OGFOD3: variants seen among roughly 807,000 people sequenced by gnomAD.
OGFOD3 encodes the protein 2-oxoglutarate and iron dependent oxygenase domain containing 3.
In OGFOD3, 35 loss-of-function variants were observed where a neutral mutation model predicts 39.8. That is an observed-to-expected ratio of 0.88 (90% CI 0.67 to 1.17). OGFOD3 has a LOEUF of 1.17. OGFOD3 is among the 50% of genes most tolerant of loss of function. OGFOD3 has a pLI of 0.00. For missense variants in OGFOD3, 438 were observed against 454.5 expected (o/e 0.96, Z 0.33); for synonymous variants, 200 against 192.0 (o/e 1.04, Z -0.34).
chr17:82,418,238 T>G (rs2053108079), intron 1 of OGFOD3, 174 bp downstream of exon 1: 1 of 380,328 alleles, frequency 2.6e-6, no homozygotes, highest in Non-Finnish European at 4.5e-6. Context: ...GCACCTGCCC[T>G]GCTCCCAGCA....
At chr17:82,413,443 G>A (rs2052985429) in intron 2 of OGFOD3, among the ~76,000 whole-genome samples, 1 of 152,196 alleles carries the variant, frequency 6.6e-6, no homozygotes, top group South Asian at 2.1e-4. Context: ...GACAGAAACT[G>A]GTGATGAGAA....
chr17:82,412,317 G>T (rs2052961061), intron 2 of OGFOD3, among the ~76,000 whole-genome samples: 1 of 148,022 alleles, frequency 6.8e-6, no homozygotes, highest in African/African-American at 2.5e-5. Context: ...GGAGCAACAC[G>T]GTCGGGGCAG....
chr17:82,416,379 G>A (rs2143304104), intron 1 of OGFOD3, among the ~76,000 whole-genome samples: 1 of 152,362 alleles, frequency 6.6e-6, no homozygotes, highest in Admixed American at 6.5e-5. Flanking sequence ...AGGACAGGCT[G>A]GTAGTGATGG....
intron 1 of OGFOD3, chr17:82,417,362 T>C (rs143844032): frequency 0.029 from 4,479 of 152,334 alleles, 96 homozygotes; most frequent in Admixed American, 0.059. Flanking sequence ...CTCACGCCTG[T>C]AATCCCAGCA....
At chr17:82,409,435 T>C in intron 3 of OGFOD3, 25 bp from the exon 4 acceptor site, 2 of 1,612,468 alleles carry the variant, frequency 1.2e-6, no homozygotes, top group South Asian at 2.2e-5. Flanking sequence ...TAATTCAGAA[T>C]TTCGTTGCTA....
chr17:82,409,455 A>G (rs112823833), intron 3 of OGFOD3, 45 bp from the exon 4 acceptor site: 28 of 1,581,494 alleles, frequency 1.8e-5, no homozygotes, highest in Middle Eastern at 3.3e-4. Flanking sequence ...AGAATTGTCT[A>G]TAATGTATAA....
In OGFOD3 at chr17:82,413,890, A is replaced by AAAAG. The variant is rs1440152998; in HGVS notation, c.304+1507_304+1508insCTTT. On this transcript the variant is annotated intron_variant, in intron 2 of 8. Coordinates refer to ENST00000313056, the MANE Select transcript of OGFOD3 (RefSeq NM_024648.3). ...GTGACACTCTGTCCAAAAAAAAAAAAAAGAAGAAAGAAAGAAAAAGAAAAT... is the reference window on the plus strand; with the variant it reads ...GTGACACTCTGTCCAAAAAAAAAAAAAAAGAAGAAGAAAGAAAGAAAAAGAAAAT... Among the ~76,000 whole-genome samples the AAAAG allele has an allele frequency of 2.8e-3, 430 of 151,622 alleles. 9 individuals carry two copies. Among genetic ancestry groups the AAAAG allele is most frequent in the Non-Finnish European group, 3.5e-3 (237 of 67,958 alleles).
chr17:82,398,696 G>A (rs938448706), intron 7 of OGFOD3, among the ~76,000 whole-genome samples: 2 of 151,172 alleles, frequency 1.3e-5, no homozygotes, highest in African/African-American at 4.9e-5. Flanking sequence ...ACTGAACCCA[G>A]CCTCTTTTTT....
chr17:82,398,517 A>G (rs2052714823), intron 7 of OGFOD3, among the ~76,000 whole-genome samples, 198 bp from the exon 8 acceptor site: 2 of 152,138 alleles, frequency 1.3e-5, no homozygotes, highest in African/African-American at 4.8e-5. Context: ...CTCCTGCCTC[A>G]GCCTCCCGAG....
intron 4 of OGFOD3, among the ~76,000 whole-genome samples, chr17:82,408,351 A>C (rs1480604535): frequency 6.6e-6 from 1 of 152,216 alleles, no homozygotes; most frequent in African/African-American, 2.4e-5. Flanking sequence ...AGAGAAACAG[A>C]TCTTCAGACA....
rs1353311308 is a variant in OGFOD3, at chr17:82,398,263, C to T, written c.756G>A (p.Glu252=). ...ACATGAACCGCCCTCCGCCGAAGTC[C>T]TCCAGGTAGTTGGAGAGGTACAGCA... ...TSLLYLSNYL[E]DFGGGRFMFM... is the part of the protein sequence containing the mutation. The change falls in exon 8 of 9, where the codon GAG becomes GAA. Residue 252 remains glutamate (E), a synonymous_variant. Transcript: ENST00000313056. The T allele has an allele frequency of 1.2e-6, 2 of 1,614,204 alleles. No individual in the cohort carries two copies. Among genetic ancestry groups the T allele is most frequent in the Non-Finnish European group, 8.5e-7 (1 of 1,180,038 alleles).
Position 82,411,470 on chromosome 17 carries a change from G to A in OGFOD3, c.365C>T (p.Ala122Val), listed in dbSNP as rs1396630666. ...AGGCGGTTACCTGCGAATCCGCTCCGCTTCCTCCCTGGTGATGACGACATC... is the reference window on the plus strand; with the variant it reads ...AGGCGGTTACCTGCGAATCCGCTCCACTTCCTCCCTGGTGATGACGACATC... ...VTDVVITREE[A>V]ERIRSVAEKG... Residue 122 changes from alanine (A) to valine (V), a missense_variant, in exon 3 of 9, where the codon GCG (alanine) becomes GTG (valine). Transcript: ENST00000313056. The A allele has an allele frequency of 7.4e-6, 12 of 1,613,938 alleles. No homozygotes were observed. The highest frequency in any genetic ancestry group is 1.6e-4 in the Middle Eastern group (1 of 6,078).
chr17:82,394,426 G>T, intron 8 of OGFOD3: 1 of 1,613,324 alleles, frequency 6.2e-7, no homozygotes, highest in African/African-American at 1.3e-5. Flanking sequence ...TCCCCTCTCG[G>T]GCGGGTGGTG....
rs965758313 is a variant in OGFOD3, at chr17:82,391,359, T to G, written c.*1039A>C. Reference sequence around the variant, plus strand: ...TGACCACCACTTTATTTTTATATTTTTAAGATGGAGTCTCACTCTGTCACC... The same window carrying G: ...TGACCACCACTTTATTTTTATATTTGTAAGATGGAGTCTCACTCTGTCACC... On this transcript the variant is annotated 3_prime_UTR_variant, in exon 9 of 9. Transcript: ENST00000313056. This position sits in a 1 kb window ranked among gnomAD's most constrained non-coding sequence, Gnocchi z 5.1. 1 of 152,352 alleles carries G rather than the reference T, an allele frequency of 6.6e-6. No individual in the cohort carries two copies. Among genetic ancestry groups the G allele is most frequent in the African/African-American group, 2.4e-5 (1 of 41,436 alleles). 9.4% of individuals were successfully genotyped at this position (152,352 alleles called of 1,614,324 possible). A position where few individuals can be genotyped will look rare whatever the true frequency, so the allele number is the denominator to read the frequency against.
At chr17:82,412,413 TG>T in intron 2 of OGFOD3, among the ~76,000 whole-genome samples, 1 of 30,232 alleles carries the variant, frequency 3.3e-5, no homozygotes, top group African/African-American at 1.3e-4. Flanking sequence ...GGCAGGGGCA[TG>T]GTTATCGGGG....
rs149720240 is a variant in OGFOD3, at chr17:82,405,715, C to T, written c.489-335G>A. Among the ~76,000 whole-genome samples the T allele has an allele frequency of 4.3e-3, 635 of 146,730 alleles. 3 individuals are homozygous for T. The highest frequency in any genetic ancestry group is 0.015 in the African/African-American group (594 of 39,648). ...CTGTAACCCCAGCTACTCAGGAGGCCGAGGCAGGTGGATCACTTGAGGTCA... is the reference window on the plus strand; with the variant it reads ...CTGTAACCCCAGCTACTCAGGAGGCTGAGGCAGGTGGATCACTTGAGGTCA... On this transcript the variant is annotated intron_variant, in intron 5 of 8. Coordinates refer to ENST00000313056, the MANE Select transcript of OGFOD3 (RefSeq NM_024648.3).
chr17:82,394,823 C>T (rs1422486021), intron 8 of OGFOD3, among the ~76,000 whole-genome samples: 1 of 152,176 alleles, frequency 6.6e-6, no homozygotes, highest in Non-Finnish European at 1.5e-5. Context: ...CCAGCCGTGC[C>T]TGCACCACCA....
chr17:82,391,863 C>T lies in OGFOD3; in HGVS notation c.*535G>A, dbSNP rs2052600776. The T allele has an allele frequency of 6.4e-6, 1 of 156,782 alleles. No homozygotes were observed. The highest frequency in any genetic ancestry group is 1.9e-4 in the East Asian group (1 of 5,252). The allele number at this position is 156,782 out of a possible 1,614,324, so 9.7% of individuals were successfully genotyped here. On this transcript the variant is annotated 3_prime_UTR_variant, in exon 9 of 9. Coordinates refer to ENST00000313056, the MANE Select transcript of OGFOD3 (RefSeq NM_024648.3). This position sits in a 1 kb window ranked among gnomAD's most constrained non-coding sequence, Gnocchi z 5.1. ...CAGGGCTGTGGGAACGGCAGATGTTCACCTCCACCTGAATCCAGCAGAACT... is the reference window on the plus strand; with the variant it reads ...CAGGGCTGTGGGAACGGCAGATGTTTACCTCCACCTGAATCCAGCAGAACT...
Position 82,405,325 on chromosome 17 carries a change from G to A in OGFOD3, c.544C>T (p.Arg182Trp), listed in dbSNP as rs527568467. 1.2e-5 allele frequency: 19 copies of A among 1,607,182 alleles called. No individual in the cohort carries two copies. The highest frequency in any genetic ancestry group is 1.1e-4 in the East Asian group (5 of 44,702). ...CCCACCCGCCTCACTCCTCCTTACC[G>A]GTATAACCGGAAGTCCTCCTCTGAG... ...IFSEEDFRLYREVRQKVQLTI... is the reference protein window; with the variant it reads ...IFSEEDFRLYWEVRQKVQLTI... The change falls in exon 6 of 9, where the codon CGG (arginine) becomes TGG (tryptophan). Residue 182 changes from arginine to tryptophan, a missense_variant and splice_region_variant. By Grantham distance (101) the Arg-to-Trp change is moderately radical (BLOSUM62 -3). Transcript: ENST00000313056.
Sources: gnomAD v4.1 joint callset for allele counts (sites outside exome capture counted in the v4.1 genomes callset) on GRCh38, gnomAD v4.1.1 for gene constraint, Gnocchi (gnomAD v3.1) non-coding constraint, MANE v1.5 for transcripts, NCBI Gene and HGNC (gene_info 2026-07-23, HGNC 2026-07-21) for gene names.